Variants in DNAJB5 observed in about 807,000 individuals in gnomAD.
DNAJB5 encodes the protein DnaJ heat shock protein family (Hsp40) member B5.
Under a neutral mutation model 32.6 loss-of-function variants are expected in DNAJB5, and 12 were observed. The observed-to-expected ratio is 0.37, with a 90% CI of 0.24 to 0.60. The LOEUF (loss-of-function observed/expected upper bound fraction) is 0.60. Among genes scored for constraint, DNAJB5 ranks in the 20% least tolerant of loss-of-function variants. The pLI is 0.71. For synonymous variants in DNAJB5, 188 were observed against 212.9 expected, an observed-to-expected ratio of 0.88 and a Z score of 1.02; for missense variants, 358 against 554.2, an observed-to-expected ratio of 0.65 and a Z score of 3.55.
In DNAJB5 at chr9:34,990,634, T is replaced by A; in HGVS notation, c.4T>A (p.Phe2Ile). Residue 2 changes from phenylalanine (F) to isoleucine (I), a missense_variant, in exon 2 of 5, where the codon TTT becomes ATT. By Grantham distance (21) the Phe-to-Ile change is conservative (BLOSUM62 0). Around this residue, in one of 2 missense-constraint regions of DNAJB5, gnomAD observed 110 missense variants for 111.7 expected, o/e 0.99. Transcript: ENST00000682809. The surrounding 1 kb of genome is among the most constrained non-coding windows in gnomAD (Gnocchi z 4.5). Reference protein sequence around the residue: MFKRTVLSCPPP... With the variant: MIKRTVLSCPPP... ...GAGGTGAGGGGCTTGGCTGGGCATG[T>A]TTAAGCGCACAGTGCTCTCCTGCCC... 1 of 1,551,498 alleles carries A rather than the reference T, an allele frequency of 6.4e-7. No homozygotes were observed. The highest frequency in any genetic ancestry group is 1.4e-5 in the African/African-American group (1 of 73,134).
In DNAJB5 at chr9:34,993,550, G is replaced by A; in HGVS notation, c.427+106G>A. On this transcript the variant is annotated intron_variant, in intron 3 of 4. Transcript: ENST00000682809. The surrounding 1 kb of genome is among the most constrained non-coding windows in gnomAD (Gnocchi z 4.7). ...AACTGGAGGCTGTGGAGGGGGTGAGGGCAGCAAGGGTTTCCAGCACTGTCA... is the reference window on the plus strand; with the variant it reads ...AACTGGAGGCTGTGGAGGGGGTGAGAGCAGCAAGGGTTTCCAGCACTGTCA... 6.9e-7 allele frequency: 1 copy of A among 1,447,210 alleles called. No homozygotes were observed. Among genetic ancestry groups the A allele is most frequent in the Admixed American group, 2.4e-5 (1 of 41,872 alleles). The allele number at this position is 1,447,210 out of a possible 1,614,324, so 89.6% of individuals were successfully genotyped here.
intron 3 of DNAJB5, among the ~76,000 whole-genome samples, chr9:34,995,776 G>C (rs539969618): frequency 6.6e-6 from 1 of 152,202 alleles, no homozygotes; most frequent in Non-Finnish European, 1.5e-5. Flanking sequence ...TCTTCCTCCC[G>C]GGTTGGATCC....
chr9:34,994,850 ACCCTGCCCAAT>A (rs1207221861), intron 3 of DNAJB5, among the ~76,000 whole-genome samples: 8 of 152,010 alleles, frequency 5.3e-5, no homozygotes, highest in African/African-American at 1.9e-4. Flanking sequence ...ATTTCTGTCC[ACCCTGCCCAAT>A]CCCCAGCAGC....
chr9:34,992,141 T>A (rs942781838), intron 2 of DNAJB5: 2 of 152,398 alleles, frequency 1.3e-5, no homozygotes, highest in African/African-American at 4.8e-5. Context: ...AAAGTCCCCC[T>A]TCCCCTGATA....
At position 34,993,377 on chromosome 9, in the gene DNAJB5, T is replaced by G; in HGVS notation, c.360T>G (p.Ile120Met). Residue 120 changes from isoleucine to methionine, a missense_variant, in exon 3 of 5, where the codon ATT becomes ATG. Ile to Met is a conservative substitution (Grantham distance 10, BLOSUM62 1). Transcript: ENST00000682809. This position sits in a 1 kb window ranked among gnomAD's most constrained non-coding sequence, Gnocchi z 4.7. Reference sequence around the variant, plus strand: ...ACGCTGAGGAGAAGTTTAAGGAGATTGCAGAGGCCTATGATGTGCTAAGTG... The same window carrying G: ...ACGCTGAGGAGAAGTTTAAGGAGATGGCAGAGGCCTATGATGTGCTAAGTG... Reference protein sequence around the residue: ...EPNAEEKFKEIAEAYDVLSDP... With the variant: ...EPNAEEKFKEMAEAYDVLSDP... 6.2e-7 allele frequency: 1 copy of G among 1,613,908 alleles called. No homozygotes were observed. The highest frequency in any genetic ancestry group is 1.3e-5 in the African/African-American group (1 of 74,932).
rs1440494432 is a variant in DNAJB5, at chr9:34,993,521, G to A, written c.427+77G>A. The A allele has an allele frequency of 1.9e-5, 29 of 1,537,110 alleles. No homozygotes were observed. The East Asian group carries it at 2.0e-4, about 11-fold the overall frequency. ...TCCCAGGTGCACCAGTTTGTGTAGC[G>A]GGGAACTGGAGGCTGTGGAGGGGGT... On this transcript the variant is annotated intron_variant, in intron 3 of 4. Coordinates refer to ENST00000682809, the MANE Select transcript of DNAJB5 (RefSeq NM_001349723.3). The surrounding 1 kb of genome is among the most constrained non-coding windows in gnomAD (Gnocchi z 4.7).
rs922085958 is a variant in DNAJB5 at position 34,990,078 on chromosome 9, C to T, written c.-133+247C>T. 1.4e-6 allele frequency: 1 copy of T among 715,816 alleles called. No homozygotes were observed. The highest frequency in any genetic ancestry group is 1.8e-5 in the African/African-American group (1 of 55,572). The allele number at this position is 715,816 out of a possible 1,614,324, so 44.3% of individuals were successfully genotyped here. ...GAGTCGGACCGGACCAGATTGGGTT[C>T]TGTGGGGCGGAGGCATCTGTGAGCA... On this transcript the variant is annotated intron_variant, in intron 1 of 4. Transcript: ENST00000682809. This position sits in a 1 kb window ranked among gnomAD's most constrained non-coding sequence, Gnocchi z 4.5.
intron 2 of DNAJB5, chr9:34,991,621 C>T: frequency 9.2e-6 from 2 of 216,386 alleles, no homozygotes; most frequent in South Asian, 3.3e-5. Flanking sequence ...GACCACCCCC[C>T]CCCGCTCCCT....
In DNAJB5 at chr9:34,996,689, CAT is replaced by C; in HGVS notation, c.854_855del (p.Ile285SerfsTer23). 1.2e-6 allele frequency: 2 copies of C among 1,614,186 alleles called. No individual in the cohort carries two copies. Among genetic ancestry groups the C allele is most frequent in the East Asian group, 2.2e-5 (1 of 44,874 alleles). On this transcript the variant is annotated frameshift_variant, in exon 4 of 5. Transcript: ENST00000682809. LOFTEE classifies it high-confidence loss of function. This position sits in a 1 kb window ranked among gnomAD's most constrained non-coding sequence, Gnocchi z 7.2. ...TGCGCACCGAGGACAAGATCCTGCA[CAT>C]AGTCATCAAGCGTGGCTGGAAGGAA... ...TVRTEDKILH[I>X]VIKRGWKEGT...
rs891172996 is a variant in DNAJB5, at chr9:34,990,300, G to A, written c.-132-199G>A. 23 of 1,422,522 alleles carry A rather than the reference G, an allele frequency of 1.6e-5. No homozygotes were observed. Among genetic ancestry groups the A allele is most frequent in the South Asian group, 3.7e-5 (3 of 80,896 alleles). The allele number at this position is 1,422,522 out of a possible 1,614,324, so 88.1% of individuals were successfully genotyped here. On this transcript the variant is annotated intron_variant, in intron 1 of 4. Coordinates refer to ENST00000682809, the MANE Select transcript of DNAJB5 (RefSeq NM_001349723.3). This position sits in a 1 kb window ranked among gnomAD's most constrained non-coding sequence, Gnocchi z 4.5. ...GGTCGGGTCCTCCCCAGTGAGAGGC[G>A]ACAGGAGCTCACTGCCTCTCGGGCC...
Position 34,996,508 on chromosome 9 carries a change from G to A in DNAJB5, c.671G>A (p.Gly224Asp). ...TTTGGCTTCAATGGGCTGAGTAGGG[G>A]TCCAAGGCGAGCCCCAGAACCACTG... ...GRFGFNGLSR[G>D]PRRAPEPLYP... Residue 224 changes from glycine to aspartate, a missense_variant, in exon 4 of 5, where the codon GGT (glycine) becomes GAT (aspartate). Gly to Asp is a moderately conservative substitution (Grantham distance 94). This residue lies in a region of DNAJB5 where 248 missense variants were observed against 442.6 expected (regional missense o/e 0.56). Transcript: ENST00000682809. This position sits in a 1 kb window ranked among gnomAD's most constrained non-coding sequence, Gnocchi z 7.2. 6.2e-7 allele frequency: 1 copy of A among 1,614,154 alleles called. No homozygotes were observed.
rs1827785743 is a variant in DNAJB5, at chr9:34,996,136, C to A, written c.428-129C>A. The A allele has an allele frequency of 3.3e-6, 4 of 1,230,726 alleles. No individual in the cohort carries two copies. The highest frequency in any genetic ancestry group is 1.6e-5 in the South Asian group (1 of 63,254). 76.2% of individuals were successfully genotyped at this position (1,230,726 alleles called of 1,614,324 possible). ...AGCCTTTCTTACTCTATTAGCCTGG[C>A]CCTCTCTGTGGGATTTAAAGGTTGC... is the stretch of plus-strand genomic sequence containing the variant. On this transcript the variant is annotated intron_variant, in intron 3 of 4. Transcript: ENST00000682809. The surrounding 1 kb of genome is among the most constrained non-coding windows in gnomAD (Gnocchi z 7.2).
chr9:34,996,433 A>G lies in DNAJB5; in HGVS notation c.596A>G (p.Asp199Gly). 1 of 1,614,142 alleles carries G rather than the reference A, an allele frequency of 6.2e-7. No homozygotes were observed. Among genetic ancestry groups the G allele is most frequent in the Non-Finnish European group, 8.5e-7 (1 of 1,180,014 alleles). ...STRPFSGFDPDDMDVDEDEDP... is the reference protein window; with the variant it reads ...STRPFSGFDPGDMDVDEDEDP... Reference sequence around the variant, plus strand: ...CGGCCCTTCAGTGGCTTTGACCCAGATGACATGGATGTGGATGAAGATGAG... The same window carrying G: ...CGGCCCTTCAGTGGCTTTGACCCAGGTGACATGGATGTGGATGAAGATGAG... Residue 199 changes from aspartate to glycine, a missense_variant, in exon 4 of 5, where the codon GAT becomes GGT. Physicochemically the swap from Asp to Gly is moderately conservative, Grantham distance 94 (BLOSUM62 -1). This residue lies in a region of DNAJB5 where 248 missense variants were observed against 442.6 expected (regional missense o/e 0.56). Coordinates refer to ENST00000682809, the MANE Select transcript of DNAJB5 (RefSeq NM_001349723.3). This position sits in a 1 kb window ranked among gnomAD's most constrained non-coding sequence, Gnocchi z 7.2.
chr9:34,991,673 C>CCG lies in DNAJB5; in HGVS notation c.182+862_182+863insGC, dbSNP rs1554662729. 34 of 236,672 alleles carry CCG rather than the reference C, an allele frequency of 1.4e-4. 4 individuals are homozygous for CCG. Among genetic ancestry groups the CCG allele is most frequent in the South Asian group, 6.3e-4 (20 of 31,560 alleles). The allele number at this position is 236,672 out of a possible 1,614,324, so 14.7% of individuals were successfully genotyped here. On this transcript the variant is annotated intron_variant, in intron 2 of 4. Transcript: ENST00000682809. ...TGCCATTTCCGAAAACGGTTGCCCCCCCCCCCAACGAGGTGCTCTTTCTTC... is the reference window on the plus strand; with the variant it reads ...TGCCATTTCCGAAAACGGTTGCCCCCCGCCCCCCAACGAGGTGCTCTTTCTTC...
chr9:34,998,708 T>C (rs1490069916), downstream of DNAJB5: 2 of 152,142 alleles, frequency 1.3e-5, no homozygotes, highest in African/African-American at 4.8e-5. Flanking sequence ...TCTTCAGATG[T>C]GCTAGCATGA....
intron 3 of DNAJB5, among the ~76,000 whole-genome samples, chr9:34,995,051 G>A (rs1416212746): frequency 6.6e-6 from 1 of 152,030 alleles, no homozygotes; most frequent in African/African-American, 2.4e-5. Flanking sequence ...CTGCCAGGCT[G>A]CTTGAACTCG....
chr9:34,995,214 C>G (rs928985519), intron 3 of DNAJB5, among the ~76,000 whole-genome samples: 21 of 152,160 alleles, frequency 1.4e-4, no homozygotes, highest in Non-Finnish European at 2.5e-4. Flanking sequence ...AAATAAGAGG[C>G]TAATTTAGGC....
At chr9:34,998,627 A>T (rs1827865863), downstream of DNAJB5, 2 of 152,000 alleles carry the variant, frequency 1.3e-5, no homozygotes, top group Non-Finnish European at 2.9e-5. Context: ...AGAAAGTACC[A>T]CTCAGCTATT....
intron 3 of DNAJB5, among the ~76,000 whole-genome samples, chr9:34,994,118 C>T (rs1827729301): frequency 6.6e-6 from 1 of 152,206 alleles, no homozygotes. Context: ...CATGATGTAG[C>T]TGCTAATTCT....
Sources: gnomAD v4.1 joint callset for allele counts (sites outside exome capture counted in the v4.1 genomes callset) on GRCh38, gnomAD v4.1.1 for gene constraint, gnomAD v4.1.1 regional missense constraint, Gnocchi (gnomAD v3.1) non-coding constraint, MANE v1.5 for transcripts, NCBI Gene and HGNC (gene_info 2026-07-23, HGNC 2026-07-21) for gene names.